MASP1: variants seen among roughly 807,000 people sequenced by gnomAD.
MASP1 encodes the protein mannan-binding lectin serine protease 1.
In MASP1, 59 loss-of-function variants were observed where a neutral mutation model predicts 77.1. That is an observed-to-expected ratio of 0.77 (90% confidence interval 0.62 to 0.95). MASP1 has a LOEUF of 0.95. MASP1 is among the 40% of genes least tolerant of loss of function. The probability of loss-of-function intolerance (pLI) is 0.00; values close to 1 mark genes in which losing one functional copy is unlikely to be tolerated. For missense variants in MASP1, 885 were observed against 912.9 expected (o/e 0.97, Z 0.39); for synonymous variants, 362 against 354.5 (o/e 1.02, Z -0.24).
At chr3:187,232,330 C>T (rs375974762), downstream of MASP1, among the ~76,000 whole-genome samples, 6 of 151,434 alleles carry the variant, frequency 4.0e-5, no homozygotes, top group African/African-American at 4.9e-5. Flanking sequence ...GTAAATTTCC[C>T]GTAGATGATG....
At position 187,236,385 on chromosome 3, in the gene MASP1, C is replaced by G; in HGVS notation, c.1486G>C (p.Ala496Pro). The change falls in exon 11 of 11, where the codon GCT (alanine) becomes CCT (proline). Residue 496 changes from alanine to proline, a missense_variant. Transcript: ENST00000296280. ...CTACGCTGGGAGCGCAGCACATGAG[C>G]TGCTGTGAGGATCCAGGACGCAGAG... ...LLSASWILTA[A>P]HVLRSQRRDT... 1 of 1,614,224 alleles carries G rather than the reference C, an allele frequency of 6.2e-7. No individual in the cohort carries two copies. Among genetic ancestry groups the G allele is most frequent in the East Asian group, 2.2e-5 (1 of 44,884 alleles).
chr3:187,290,175 A>G (rs974172241), intron 1 of MASP1, among the ~76,000 whole-genome samples: 4 of 152,202 alleles, frequency 2.6e-5, no homozygotes, highest in African/African-American at 9.7e-5. Flanking sequence ...TACTACAAGG[A>G]CAATAAGAGA....
chr3:187,251,326 C>T (rs1015680427), intron 7 of MASP1: 14 of 358,902 alleles, frequency 3.9e-5, no homozygotes, highest in Non-Finnish European at 6.3e-5. Context: ...TCTATAAGCC[C>T]GATGAACTTT....
intron 2 of MASP1, among the ~76,000 whole-genome samples, chr3:187,268,525 G>GAAGGA (rs1553781338): frequency 2.9e-4 from 41 of 141,410 alleles, no homozygotes; most frequent in African/African-American, 1.0e-3. Flanking sequence ...GAGGAAGAAA[G>GAAGGA]AAAGAAAAGA....
exon 16 of MASP1, chr3:187,219,480 T>G: frequency 6.3e-6 from 1 of 158,232 alleles, no homozygotes. Flanking sequence ...CTTGTCTGTT[T>G]TACTTTTTTA....
At chr3:187,222,709 G>A (rs1712139659) in intron 14 of MASP1, among the ~76,000 whole-genome samples, 1 of 150,676 alleles carries the variant, frequency 6.6e-6, no homozygotes, top group Non-Finnish European at 1.5e-5. Context: ...GAACTGATAG[G>A]AATATGAACT....
chr3:187,222,518 C>T (rs1188078623), intron 14 of MASP1, among the ~76,000 whole-genome samples: 2 of 152,154 alleles, frequency 1.3e-5, no homozygotes, highest in African/African-American at 4.8e-5. Flanking sequence ...CCGGTGATAT[C>T]AGAGCCAAGC....
At position 187,243,584 on chromosome 3, in the gene MASP1, C is replaced by T. The variant is rs1161976406; in HGVS notation, c.1128G>A (p.Gly376=). ...TGTTCCTTGTAGAGAAGGTGATCAGCCCGTGTTCCAGCTCTCCTGGGGCTC... is the reference window on the plus strand; with the variant it reads ...TGTTCCTTGTAGAGAAGGTGATCAGTCCGTGTTCCAGCTCTCCTGGGGCTC... The part of the protein sequence containing the change: ...DCRAPGELEH[G]LITFSTRNNL... The change falls in exon 9 of 11, where the codon GGG becomes GGA. Residue 376 remains glycine (G), a synonymous_variant. Transcript: ENST00000296280. The T allele has an allele frequency of 6.2e-7, 1 of 1,614,190 alleles. No homozygotes were observed. Among genetic ancestry groups the T allele is most frequent in the Admixed American group, 1.7e-5 (1 of 60,022 alleles).
chr3:187,229,232 G>T (rs1298469103), downstream of MASP1, among the ~76,000 whole-genome samples: 1 of 152,008 alleles, frequency 6.6e-6, no homozygotes, highest in African/African-American at 2.4e-5. Flanking sequence ...CAGTGTTATC[G>T]AATCTGCCTC....
intron 8 of MASP1, chr3:187,246,556 G>C: frequency 2.0e-6 from 2 of 985,658 alleles, no homozygotes; most frequent in African/African-American, 3.5e-5. Context: ...TGTGTGTCCA[G>C]ATGTTCAGAC....
chr3:187,227,061 A>G (rs1017976237), intron 11 of MASP1, among the ~76,000 whole-genome samples: 1 of 152,258 alleles, frequency 6.6e-6, no homozygotes, highest in Non-Finnish European at 1.5e-5. Context: ...CACTGGCTGC[A>G]CGTTAGAATT....
At chr3:187,226,622 A>T (rs555035571) in intron 11 of MASP1, 1 of 788,894 alleles carries the variant, frequency 1.3e-6, no homozygotes, top group East Asian at 2.7e-5. Context: ...ACCCCTCAAG[A>T]CCTTGAAAAT....
chr3:187,251,326 C>A (rs1015680427), intron 7 of MASP1: 1 of 359,020 alleles, frequency 2.8e-6, no homozygotes, highest in Non-Finnish European at 5.3e-6. Context: ...TCTATAAGCC[C>A]GATGAACTTT....
At chr3:187,225,578 G>A in intron 12 of MASP1, 2 of 1,527,280 alleles carry the variant, frequency 1.3e-6, no homozygotes, top group Non-Finnish European at 1.8e-6. Context: ...TTCCCTGTCA[G>A]CCCCCGCCCC....
intron 2 of MASP1, chr3:187,276,525 T>C (rs1020265117): frequency 3.9e-5 from 6 of 152,218 alleles, no homozygotes; most frequent in African/African-American, 1.4e-4. Context: ...CAACCTGTAA[T>C]ATACTCAAGC....
intron 2 of MASP1, among the ~76,000 whole-genome samples, chr3:187,273,309 T>A (rs1716674834): frequency 1.3e-5 from 2 of 152,184 alleles, no homozygotes; most frequent in Admixed American, 6.5e-5. Context: ...AGGTGGCATA[T>A]TAGCTGTTTG....
chr3:187,257,460 T>C (rs1715191369), intron 4 of MASP1, among the ~76,000 whole-genome samples: 1 of 152,040 alleles, frequency 6.6e-6, no homozygotes, highest in Non-Finnish European at 1.5e-5. Context: ...AACCTTCGCC[T>C]CCACCTCCAC....
intron 11 of MASP1, among the ~76,000 whole-genome samples, chr3:187,227,168 C>T (rs1358106209): frequency 6.6e-6 from 1 of 152,188 alleles, no homozygotes; most frequent in Non-Finnish European, 1.5e-5. Context: ...ATGTTTTAAA[C>T]ATTTCCTTAG....
chr3:187,243,782 A>G, intron 8 of MASP1, 161 bp from the exon 9 acceptor site: 1 of 834,752 alleles, frequency 1.2e-6, no homozygotes, highest in Non-Finnish European at 2.0e-6. Context: ...TGTGCAGTGT[A>G]CAGCCTGTGA....
Sources: gnomAD v4.1 joint callset for allele counts (sites outside exome capture counted in the v4.1 genomes callset) on GRCh38, gnomAD v4.1.1 for gene constraint, MANE v1.5 for transcripts, NCBI Gene and HGNC (gene_info 2026-07-23, HGNC 2026-07-21) for gene names.